NEDD4L: variants seen among roughly 807,000 people sequenced by gnomAD.
NEDD4L encodes the protein NEDD4 like E3 ubiquitin protein ligase, also known as E3 ubiquitin-protein ligase NEDD4-like.
NEDD4L carries 54 observed loss-of-function variants against 148.9 expected under a neutral mutation model. That is an observed-to-expected ratio of 0.36 (90% CI 0.29 to 0.45). The LOEUF (loss-of-function observed/expected upper bound fraction) is 0.45. NEDD4L is among the 20% of genes least tolerant of loss of function. NEDD4L has a pLI of 1.00. For synonymous variants in NEDD4L, 433 were observed against 440.7 expected (o/e 0.98, Z 0.22); for missense variants, 856 against 1,233.8 (o/e 0.69, Z 4.59).
At chr18:58,214,815 T>TTTTTTTTTTTTTA in intron 2 of NEDD4L, among the ~76,000 whole-genome samples, 1 of 127,162 alleles carries the variant, frequency 7.9e-6, no homozygotes, top group East Asian at 2.3e-4. Flanking sequence ...TTTTTTTTTT[T>TTTTTTTTTTTTTA]TTGTTGTTGT....
intron 2 of NEDD4L, among the ~76,000 whole-genome samples, chr18:58,181,654 C>T (rs1599436969): frequency 6.6e-6 from 1 of 152,050 alleles, no homozygotes; most frequent in Admixed American, 6.6e-5. Context: ...CCAGGCTGGT[C>T]TTGAACTCCT....
intron 1 of NEDD4L, among the ~76,000 whole-genome samples, chr18:58,088,192 G>A (rs2083867311): frequency 6.6e-6 from 1 of 152,240 alleles, no homozygotes; most frequent in South Asian, 2.1e-4. Flanking sequence ...CCAGGGGAAA[G>A]CTGCAGTGTC....
intron 1 of NEDD4L, among the ~76,000 whole-genome samples, chr18:58,148,848 T>C (rs2034383461): frequency 6.6e-6 from 1 of 152,230 alleles, no homozygotes; most frequent in South Asian, 2.1e-4. Context: ...TGTGGTGGGT[T>C]CAAGAATCTT....
chr18:58,395,520 G>A (rs1403265961), intron 30 of NEDD4L, among the ~76,000 whole-genome samples: 1 of 151,964 alleles, frequency 6.6e-6, no homozygotes, highest in Non-Finnish European at 1.5e-5. Flanking sequence ...AGATATGTAG[G>A]GACTTTTTCT....
At chr18:58,276,805 G>A (rs61255858) in intron 5 of NEDD4L, among the ~76,000 whole-genome samples, 2,004 of 152,052 alleles carry the variant, frequency 0.013, 50 homozygotes, top group African/African-American at 0.046. Context: ...AAGGAAAGCC[G>A]CATGATGCCA....
At chr18:58,395,820 A>G (rs1568962812) in intron 30 of NEDD4L, among the ~76,000 whole-genome samples, 1 of 152,180 alleles carries the variant, frequency 6.6e-6, no homozygotes, top group East Asian at 1.9e-4. Context: ...AGTATTAGAG[A>G]TAGACACAGT....
chr18:58,345,669 C>T (rs1233900321), intron 16 of NEDD4L, among the ~76,000 whole-genome samples: 3 of 152,100 alleles, frequency 2.0e-5, no homozygotes, highest in Non-Finnish European at 2.9e-5. Context: ...TGACCTTTTA[C>T]ACACACACAG....
intron 2 of NEDD4L, among the ~76,000 whole-genome samples, chr18:58,198,651 C>T (rs1238025543): frequency 6.6e-6 from 1 of 152,124 alleles, no homozygotes; most frequent in Admixed American, 6.5e-5. Flanking sequence ...CTGATGTTTA[C>T]CTTAGAATCC....
chr18:58,282,038 G>A (rs1157262810), intron 5 of NEDD4L, among the ~76,000 whole-genome samples: 1 of 149,838 alleles, frequency 6.7e-6, no homozygotes, highest in Admixed American at 6.6e-5. Context: ...AAAAAAAAAA[G>A]CAAACAAAAT....
intron 1 of NEDD4L, among the ~76,000 whole-genome samples, chr18:58,092,515 C>T (rs1191312156): frequency 6.6e-6 from 1 of 152,040 alleles, no homozygotes; most frequent in Non-Finnish European, 1.5e-5. Flanking sequence ...CAGGGCATTT[C>T]TGATGAGACT....
chr18:58,244,102 A>G (rs891989251), intron 2 of NEDD4L, among the ~76,000 whole-genome samples: 2 of 152,230 alleles, frequency 1.3e-5, no homozygotes, highest in Admixed American at 1.3e-4. Context: ...TATCAAATAG[A>G]AATCAGTACA....
At chr18:58,276,498 C>T (rs1041636259) in intron 5 of NEDD4L, among the ~76,000 whole-genome samples, 8 of 152,136 alleles carry the variant, frequency 5.3e-5, no homozygotes, top group African/African-American at 1.4e-4. Flanking sequence ...CGTGAGCCAC[C>T]GTGCCCAGCC....
At chr18:58,105,744 C>T (rs185414706) in intron 1 of NEDD4L, among the ~76,000 whole-genome samples, 25 of 152,226 alleles carry the variant, frequency 1.6e-4, no homozygotes, top group Admixed American at 8.5e-4. Context: ...TGGTTCAAGC[C>T]CTCTGACTAC....
rs1007761721 is a variant in NEDD4L, at chr18:58,132,756, C to T, written c.49-33032C>T. On this transcript the variant is annotated intron_variant, in intron 1 of 30. Transcript: ENST00000400345. The stretch of plus-strand genomic sequence containing the variant: ...TGAACTGAGCATTCCGTGTTATTCT[C>T]TTTTTTGTTTTTTTAAGGGGATGAG... Among the ~76,000 whole-genome samples the T allele has an allele frequency of 3.9e-5, 6 of 152,196 alleles. No individual in the cohort carries two copies. In the East Asian group the frequency reaches 7.7e-4, roughly 20 times the overall value.
chr18:58,290,264 A>G (rs1369048757), intron 5 of NEDD4L, among the ~76,000 whole-genome samples: 1 of 152,282 alleles, frequency 6.6e-6, no homozygotes, highest in Admixed American at 6.5e-5. Flanking sequence ...AGGGAAATTC[A>G]ACAACCAGAT....
chr18:58,151,549 A>C (rs1443091503), intron 1 of NEDD4L, among the ~76,000 whole-genome samples: 1 of 152,070 alleles, frequency 6.6e-6, no homozygotes, highest in Non-Finnish European at 1.5e-5. Flanking sequence ...GCCCAGAACT[A>C]GTATAAAAAT....
chr18:58,352,707 A>C (rs555742212), intron 18 of NEDD4L, among the ~76,000 whole-genome samples: 2 of 152,282 alleles, frequency 1.3e-5, no homozygotes, highest in Admixed American at 1.3e-4. Flanking sequence ...CATCACAATC[A>C]CAGTTTTAAG....
intron 1 of NEDD4L, among the ~76,000 whole-genome samples, chr18:58,147,538 C>T (rs111985026): frequency 0.02 from 3,020 of 152,294 alleles, 39 homozygotes; most frequent in Non-Finnish European, 0.031. Context: ...GCTTCACTGT[C>T]CCTTTCTGTA....
intron 2 of NEDD4L, among the ~76,000 whole-genome samples, chr18:58,176,265 A>C (rs1483546212): frequency 6.7e-6 from 1 of 148,292 alleles, no homozygotes; most frequent in African/African-American, 2.5e-5. Context: ...TCCCTCATTC[A>C]CTCTGTCGTC....
Sources: allele counts gnomAD v4.1 joint callset (sites outside exome capture counted in the v4.1 genomes callset), GRCh38; gene constraint gnomAD v4.1.1; transcripts MANE v1.5; gene names NCBI Gene and HGNC (gene_info 2026-07-23, HGNC 2026-07-21).